SHANK2: variants seen among roughly 807,000 people sequenced by gnomAD.
SHANK2 encodes the protein SH3 and multiple ankyrin repeat domains protein 2.
In SHANK2, 43 loss-of-function variants were observed where a neutral mutation model predicts 133.7. The observed-to-expected ratio is 0.32, with a 90% CI of 0.25 to 0.41. The LOEUF (loss-of-function observed/expected upper bound fraction) is 0.41. Among genes scored for constraint, SHANK2 ranks in the 10% least tolerant of loss-of-function variants. SHANK2 has a pLI of 1.00. For synonymous variants in SHANK2, 1,017 were observed against 952.8 expected, an observed-to-expected ratio of 1.07 and a Z score of -1.24; for missense variants, 1,994 against 2,235.8, an observed-to-expected ratio of 0.89 and a Z score of 2.18.
chr11:70,750,795 G>A (rs1946736912), intron 14 of SHANK2, among the ~76,000 whole-genome samples: 1 of 152,166 alleles, frequency 6.6e-6, no homozygotes, highest in Non-Finnish European at 1.5e-5. Context: ...GCATACGTGG[G>A]ACAGATCTCA....
chr11:71,079,684 C>T lies in SHANK2; in HGVS notation c.913-4409G>A, dbSNP rs906492153. On this transcript the variant is annotated intron_variant, in intron 8 of 25. Transcript: ENST00000601538. ...CTGAGGCGGGAGAATGGCGTGAACC[C>T]GGGAGGCGGAGCTTGCAGTGAGCCA... 5.2e-3 allele frequency among the ~76,000 whole-genome samples: 783 copies of T among 150,908 alleles called. 8 individuals carry two copies. The highest frequency in any genetic ancestry group is 0.018 in the African/African-American group (718 of 40,986).
At chr11:70,649,440 AC>A (rs2061313704) in intron 17 of SHANK2, among the ~76,000 whole-genome samples, 1 of 152,042 alleles carries the variant, frequency 6.6e-6, no homozygotes, top group Admixed American at 6.5e-5. Context: ...GCGCACACAC[AC>A]CCTAATTCCC....
intron 11 of SHANK2, among the ~76,000 whole-genome samples, chr11:70,850,238 G>A (rs1949064839): frequency 6.6e-6 from 1 of 152,174 alleles, no homozygotes; most frequent in Non-Finnish European, 1.5e-5. Context: ...GTGACCAGAT[G>A]GGATCAGAGA....
chr11:70,878,164 G>A (rs1949599809), intron 11 of SHANK2, among the ~76,000 whole-genome samples: 3 of 152,200 alleles, frequency 2.0e-5, no homozygotes, highest in African/African-American at 4.8e-5. Flanking sequence ...CACTGCAGAA[G>A]GCTGCCCCAT....
intron 14 of SHANK2, among the ~76,000 whole-genome samples, chr11:70,746,707 C>T (rs782340810): frequency 2.0e-5 from 3 of 152,154 alleles, no homozygotes; most frequent in Admixed American, 2.0e-4. Flanking sequence ...TCTTGTTGCT[C>T]CCCTTTGGTC....
intron 10 of SHANK2, among the ~76,000 whole-genome samples, chr11:70,921,365 A>G (rs4980658): frequency 0.97 from 147,683 of 152,286 alleles, 71,772 homozygotes; most frequent in East Asian, 1. Flanking sequence ...CAGGAAAAGG[A>G]CTGAGAATTG....
intron 8 of SHANK2, among the ~76,000 whole-genome samples, chr11:71,084,372 G>A (rs1253373433): frequency 2.0e-5 from 3 of 152,184 alleles, no homozygotes; most frequent in South Asian, 2.1e-4. Flanking sequence ...TGTGTGAAGT[G>A]GAGGGTGGAT....
rs2060448846 is a variant in SHANK2 at position 70,599,524 on chromosome 11, G to A, written c.2061+60304C>T. Among the ~76,000 whole-genome samples the A allele has an allele frequency of 2.4e-5, 3 of 124,318 alleles. 1 individual carries two copies. Among genetic ancestry groups the A allele is most frequent in the Non-Finnish European group, 5.1e-5 (3 of 59,086 alleles). The allele number at this position is 124,318 out of a possible 152,430, so 81.6% of individuals were successfully genotyped here. A position where few individuals can be genotyped will look rare whatever the true frequency, so the allele number is the denominator to read the frequency against. On this transcript the variant is annotated intron_variant, in intron 17 of 25. Transcript: ENST00000601538. The stretch of plus-strand genomic sequence containing the variant: ...CGGGAGGCTGAGGCAGGAGAATGGC[G>A]TGAACCCCAGGGGGCGGAGCCTGCA...
At chr11:71,247,975 C>T (rs1555125258) in intron 1 of SHANK2, among the ~76,000 whole-genome samples, 1 of 152,244 alleles carries the variant, frequency 6.6e-6, no homozygotes. Flanking sequence ...GCCCCACAGG[C>T]TTTTAAGAAC....
chr11:70,483,679 C>T (rs948511626), intron 25 of SHANK2, among the ~76,000 whole-genome samples: 1 of 152,114 alleles, frequency 6.6e-6, no homozygotes, highest in African/African-American at 2.4e-5. Flanking sequence ...GCCGTGATCA[C>T]GTCACAGCAC....
At chr11:70,927,262 C>A (rs1292677831) in intron 10 of SHANK2, among the ~76,000 whole-genome samples, 3 of 152,192 alleles carry the variant, frequency 2.0e-5, no homozygotes, top group Non-Finnish European at 2.9e-5. Flanking sequence ...TGAACGCTGA[C>A]TCTGAATTCC....
At chr11:70,915,300 A>G (rs1950254713) in intron 10 of SHANK2, among the ~76,000 whole-genome samples, 1 of 152,156 alleles carries the variant, frequency 6.6e-6, no homozygotes, top group Non-Finnish European at 1.5e-5. Context: ...ATGTTAGCAG[A>G]CTGTACACAC....
At chr11:70,946,234 T>C in intron 10 of SHANK2, among the ~76,000 whole-genome samples, 1 of 124,366 alleles carries the variant, frequency 8.0e-6, no homozygotes, top group African/African-American at 3.4e-5. Context: ...AAGCTCAACC[T>C]CCCTCTCCGC....
intron 14 of SHANK2, among the ~76,000 whole-genome samples, chr11:70,788,818 C>T (rs549170844): frequency 3.3e-5 from 5 of 152,278 alleles, no homozygotes; most frequent in South Asian, 4.1e-4. Context: ...CAGGAGGTGA[C>T]GGCTCCAGGT....
intron 1 of SHANK2, among the ~76,000 whole-genome samples, chr11:71,241,560 A>G (rs550066020): frequency 6.6e-6 from 1 of 152,188 alleles, no homozygotes; most frequent in East Asian, 1.9e-4. Context: ...AATCAGCTAC[A>G]TTTTGCAGGA....
intron 14 of SHANK2, among the ~76,000 whole-genome samples, chr11:70,733,102 G>A (rs1170971080): frequency 2.0e-5 from 3 of 152,324 alleles, no homozygotes; most frequent in Non-Finnish European, 4.4e-5. Context: ...GGGATCGTCC[G>A]CGACAGAAAG....
At chr11:70,581,873 T>C (rs1554985568) in intron 17 of SHANK2, among the ~76,000 whole-genome samples, 1 of 152,218 alleles carries the variant, frequency 6.6e-6, no homozygotes, top group Non-Finnish European at 1.5e-5. Context: ...GGAAGCCACT[T>C]AATCTCTTTG....
chr11:70,582,740 C>A (rs1554985774), intron 17 of SHANK2, among the ~76,000 whole-genome samples: 1 of 152,204 alleles, frequency 6.6e-6, no homozygotes, highest in Non-Finnish European at 1.5e-5. Flanking sequence ...TCACAGGCAG[C>A]ATCTGTGTGT....
Position 70,573,093 on chromosome 11 carries a change from G to A in SHANK2, c.2062-70162C>T, listed in dbSNP as rs144156979. Among the ~76,000 whole-genome samples the A allele has an allele frequency of 1.2e-3, 180 of 152,150 alleles. 1 individual carries two copies. Among genetic ancestry groups the A allele is most frequent in the Admixed American group, 9.2e-3 (141 of 15,270 alleles). ...AGGAACGGACTGCCGGAACACACAC[G>A]CCTCAGAATAATCACACTGCCTGAG... is the stretch of plus-strand genomic sequence containing the variant. On this transcript the variant is annotated intron_variant, in intron 17 of 25. Coordinates refer to ENST00000601538, the MANE Select transcript of SHANK2 (RefSeq NM_012309.5).
Sources: gnomAD v4.1 joint callset for allele counts (sites outside exome capture counted in the v4.1 genomes callset) on GRCh38, gnomAD v4.1.1 for gene constraint, MANE v1.5 for transcripts, NCBI Gene and HGNC (gene_info 2026-07-23, HGNC 2026-07-21) for gene names.